Variants in ASAP1 observed in about 807,000 individuals in gnomAD.
The protein encoded by ASAP1 is arf-GAP with SH3 domain, ANK repeat and PH domain-containing protein 1.
ASAP1 carries 43 observed loss-of-function variants against 145.2 expected under a neutral mutation model. The observed-to-expected ratio is 0.30, with a 90% CI of 0.23 to 0.38. The LOEUF (loss-of-function observed/expected upper bound fraction) is 0.38, where lower values mean the gene tolerates loss of function less well. ASAP1 is among the 10% of genes least tolerant of loss of function. ASAP1 has a pLI of 1.00. For synonymous variants in ASAP1, 546 were observed against 515.5 expected (o/e 1.06, Z -0.80); for missense variants, 1,018 against 1,355.3 (o/e 0.75, Z 3.91).
intron 2 of ASAP1, among the ~76,000 whole-genome samples, chr8:130,383,454 G>A (rs888346996): frequency 2.6e-5 from 4 of 152,188 alleles, no homozygotes; most frequent in Non-Finnish European, 5.9e-5. Context: ...GGACAGCAGA[G>A]CCCAGAGGAT....
At position 130,159,839 on chromosome 8, in the gene ASAP1, G is replaced by A. The variant is rs778961349; in HGVS notation, c.1010+25C>T. 3.2e-6 allele frequency: 5 copies of A among 1,563,180 alleles called. No homozygotes were observed. The Admixed American group carries it at 8.3e-5, about 26-fold the overall frequency. ...ATTTTCTAGGTTAATCACACACTGA[G>A]ACACTGGGCTGGGCTCATACATACC... On this transcript the variant is annotated intron_variant, in intron 12 of 29. Transcript: ENST00000518721.
Position 130,079,928 on chromosome 8 carries a change from C to T in ASAP1, c.2616G>A (p.Lys872=). 1 of 1,614,174 alleles carries T rather than the reference C, an allele frequency of 6.2e-7. No homozygotes were observed. Among genetic ancestry groups the T allele is most frequent in the Middle Eastern group, 1.6e-4 (1 of 6,062 alleles). The change falls in exon 26 of 30, where the codon AAG becomes AAA. Residue 872 remains lysine (K), a synonymous_variant. Coordinates refer to ENST00000518721, the MANE Select transcript of ASAP1 (RefSeq NM_018482.4). ...TCGACTGCTGGGATAGTCCCTCAAACTTGTTTGTAGTCTTACTTGAAGAGG... is the reference window on the plus strand; with the variant it reads ...TCGACTGCTGGGATAGTCCCTCAAATTTGTTTGTAGTCTTACTTGAAGAGG... ...GPSSSSKTTN[K]FEGLSQQSST... is the part of the protein sequence containing the mutation.
intron 3 of ASAP1, among the ~76,000 whole-genome samples, chr8:130,339,372 G>C (rs1465931860): frequency 1.3e-5 from 2 of 152,184 alleles, no homozygotes; most frequent in Non-Finnish European, 2.9e-5. Flanking sequence ...TGAACAAACA[G>C]TTTAGGACTT....
At chr8:130,118,402 C>T in intron 19 of ASAP1, 87 bp downstream of exon 19, 1 of 1,431,982 alleles carries the variant, frequency 7.0e-7, no homozygotes, top group Non-Finnish European at 9.6e-7. Flanking sequence ...ATAAGAATCT[C>T]ATTATATGGT....
chr8:130,234,796 A>G (rs1270768412), intron 4 of ASAP1, among the ~76,000 whole-genome samples: 1 of 152,188 alleles, frequency 6.6e-6, no homozygotes, highest in Non-Finnish European at 1.5e-5. Context: ...GGTACAAACC[A>G]TCATCACATT....
Position 130,248,141 on chromosome 8 carries a change from C to A in ASAP1, c.187-11147G>T, listed in dbSNP as rs985150040. 2.6e-5 allele frequency among the ~76,000 whole-genome samples: 4 copies of A among 152,186 alleles called. No individual in the cohort carries two copies. The South Asian group carries it at 6.2e-4, about 24-fold the overall frequency. On this transcript the variant is annotated intron_variant, in intron 3 of 29. Coordinates refer to ENST00000518721, the MANE Select transcript of ASAP1 (RefSeq NM_018482.4). ...TTATCAAAGAGGAATAGTTTATCTACCTGGTATTTCTAATCCTAACTCTGG... is the reference window on the plus strand; with the variant it reads ...TTATCAAAGAGGAATAGTTTATCTAACTGGTATTTCTAATCCTAACTCTGG...
intron 25 of ASAP1, among the ~76,000 whole-genome samples, chr8:130,085,953 C>A (rs1042429672): frequency 2.0e-5 from 3 of 152,142 alleles, no homozygotes; most frequent in Non-Finnish European, 4.4e-5. Flanking sequence ...TGTTGTGGTT[C>A]TGGCAGGGAA....
At chr8:130,102,892 T>C (rs774206923) in intron 24 of ASAP1, among the ~76,000 whole-genome samples, 1 of 152,226 alleles carries the variant, frequency 6.6e-6, no homozygotes, top group Non-Finnish European at 1.5e-5. Flanking sequence ...GGTCTCACCA[T>C]GTTGCCCAGA....
chr8:130,416,383 A>G (rs1419272942), intron 1 of ASAP1, among the ~76,000 whole-genome samples: 1 of 152,364 alleles, frequency 6.6e-6, no homozygotes, highest in East Asian at 1.9e-4. Context: ...TGTTGAATGA[A>G]TTAATTAATG....
chr8:130,096,372 G>T (rs548433877), intron 24 of ASAP1, among the ~76,000 whole-genome samples: 18 of 152,164 alleles, frequency 1.2e-4, no homozygotes, highest in African/African-American at 4.3e-4. Flanking sequence ...AGCATCAAAC[G>T]CAACACAAAA....
chr8:130,351,413 A>G (rs1825984651), intron 3 of ASAP1, among the ~76,000 whole-genome samples: 1 of 152,246 alleles, frequency 6.6e-6, no homozygotes, highest in South Asian at 2.1e-4. Flanking sequence ...ATAGGTGTAA[A>G]AAATGTTTTT....
At chr8:130,366,392 C>A (rs983054803) in intron 2 of ASAP1, among the ~76,000 whole-genome samples, 1 of 152,194 alleles carries the variant, frequency 6.6e-6, no homozygotes, top group East Asian at 1.9e-4. Context: ...AGCTTCCCAG[C>A]ACATGCAGAG....
At chr8:130,426,867 G>A (rs77582488) in intron 1 of ASAP1, among the ~76,000 whole-genome samples, 1 of 152,068 alleles carries the variant, frequency 6.6e-6, no homozygotes, top group Non-Finnish European at 1.5e-5. Flanking sequence ...CACACCATCC[G>A]TTTCATGTTT....
At chr8:130,298,784 T>C (rs2137391984) in intron 3 of ASAP1, among the ~76,000 whole-genome samples, 1 of 152,272 alleles carries the variant, frequency 6.6e-6, no homozygotes, top group African/African-American at 2.4e-5. Context: ...CTTCTTTGAC[T>C]CGGGAGACAA....
Position 130,156,231 on chromosome 8 carries a change from G to A in ASAP1, c.1011-3426C>T, listed in dbSNP as rs150198442. On this transcript the variant is annotated intron_variant, in intron 12 of 29. Coordinates refer to ENST00000518721, the MANE Select transcript of ASAP1 (RefSeq NM_018482.4). ...CAGAGAAAAATCACAGGACATATCA[G>A]TGGTCATTGTTTGCAAATGAGTCTG... Among the ~76,000 whole-genome samples, 458 of 152,312 alleles carry A rather than the reference G, an allele frequency of 3.0e-3. 1 individual carries two copies. The highest frequency in any genetic ancestry group is 0.011 in the African/African-American group (443 of 41,566).
At chr8:130,255,741 T>C (rs1306202749) in intron 3 of ASAP1, among the ~76,000 whole-genome samples, 2 of 152,206 alleles carry the variant, frequency 1.3e-5, no homozygotes, top group Non-Finnish European at 2.9e-5. Context: ...TAATAATTTA[T>C]GTCCCTAAGT....
At chr8:130,172,232 C>T (rs1347810759) in intron 9 of ASAP1, among the ~76,000 whole-genome samples, 1 of 152,142 alleles carries the variant, frequency 6.6e-6, no homozygotes, top group Admixed American at 6.5e-5. Context: ...GTTTCCTTTG[C>T]AGAGGGATAC....
chr8:130,153,666 C>T (rs138299592), intron 12 of ASAP1, among the ~76,000 whole-genome samples: 2 of 151,896 alleles, frequency 1.3e-5, no homozygotes, highest in East Asian at 1.9e-4. Context: ...CTGTGACTGG[C>T]CGTGGCACTG....
At chr8:130,253,702 C>A (rs780780876) in intron 3 of ASAP1, among the ~76,000 whole-genome samples, 3 of 152,024 alleles carry the variant, frequency 2.0e-5, no homozygotes, top group Non-Finnish European at 4.4e-5. Flanking sequence ...TAGATGAAGA[C>A]GAAATGCACG....
Sources: allele counts gnomAD v4.1 joint callset (sites outside exome capture counted in the v4.1 genomes callset), GRCh38; gene constraint gnomAD v4.1.1; transcripts MANE v1.5; gene names NCBI Gene and HGNC (gene_info 2026-07-23, HGNC 2026-07-21).